AMZ1: variants seen among roughly 807,000 people sequenced by gnomAD.
AMZ1 encodes archaemetzincin-1.
A neutral mutation model predicts 29.9 loss-of-function variants in AMZ1; 39 were observed. The ratio of observed to expected loss-of-function variants is 1.30; its 90% CI spans 1.01 to 1.70. The LOEUF (loss-of-function observed/expected upper bound fraction) is 1.70, where lower values mean the gene tolerates loss of function less well. Among genes scored for constraint, AMZ1 ranks in the 40% most tolerant of loss-of-function variants. AMZ1 has a pLI of 0.00. For synonymous variants in AMZ1, 458 were observed against 304.0 expected, an observed-to-expected ratio of 1.51 and a Z score of -5.27; for missense variants, 1,041 against 680.6, an observed-to-expected ratio of 1.53 and a Z score of -5.89.
chr7:2,752,636 T>C (rs1157529974), intron 4 of AMZ1, among the ~76,000 whole-genome samples: 3 of 152,200 alleles, frequency 2.0e-5, no homozygotes, highest in African/African-American at 4.8e-5. Flanking sequence ...AAAAATCAAG[T>C]ATATGTTTTA....
chr7:2,709,457 A>T (rs886919868), intron 5 of AMZ1, among the ~76,000 whole-genome samples, 183 bp from the exon 6 acceptor site: 2 of 116,724 alleles, frequency 1.7e-5, no homozygotes, highest in African/African-American at 2.9e-5. Context: ...ACCCTGACTC[A>T]CCTTTCCCCT....
chr7:2,679,919 G>C (rs1235895507), intron 1 of AMZ1, among the ~76,000 whole-genome samples: 6 of 152,254 alleles, frequency 3.9e-5, no homozygotes, highest in Non-Finnish European at 7.3e-5. Flanking sequence ...GGCCCAGCTG[G>C]GGGTGAAGGG....
chr7:2,734,533 G>C (rs1302289665), intron 4 of AMZ1, among the ~76,000 whole-genome samples: 1 of 152,208 alleles, frequency 6.6e-6, no homozygotes, highest in African/African-American at 2.4e-5. Context: ...CATCAGAATG[G>C]ACTACGTGAT....
At position 2,709,879 on chromosome 7, in the gene AMZ1, G is replaced by A. The variant is rs1386742481; in HGVS notation, c.948+63G>A. ...TGCGCTCCGGAGGCCCGCGAGCGCC[G>A]CCTGGAGGCTACGCAGGGCATGGGG... On this transcript the variant is annotated intron_variant, in intron 6 of 6. Transcript: ENST00000683327. 60 of 1,582,950 alleles carry A rather than the reference G, an allele frequency of 3.8e-5. No homozygotes were observed. The East Asian group carries it at 8.1e-4, about 21-fold the overall frequency.
intron 4 of AMZ1, among the ~76,000 whole-genome samples, chr7:2,742,215 T>A (rs950660765): frequency 2.6e-5 from 4 of 151,686 alleles, no homozygotes; most frequent in Non-Finnish European, 4.4e-5. Flanking sequence ...ACAGACAGGG[T>A]TTTGCCCCAT....
At chr7:2,697,181 C>T (rs536924452) in intron 1 of AMZ1, among the ~76,000 whole-genome samples, 10 of 152,318 alleles carry the variant, frequency 6.6e-5, no homozygotes, top group African/African-American at 1.9e-4. Flanking sequence ...CGGCTCACTG[C>T]AACCTCTGCC....
chr7:2,708,474 TGGGAA>T (rs1285356795), intron 3 of AMZ1, 109 bp from the exon 4 acceptor site: 2 of 1,498,266 alleles, frequency 1.3e-6, no homozygotes, highest in African/African-American at 1.4e-5. Context: ...ACACCTGACT[TGGGAA>T]GGGGCAGGGC....
chr7:2,724,846 A>G (rs1470792296), intron 4 of AMZ1, among the ~76,000 whole-genome samples: 1 of 152,176 alleles, frequency 6.6e-6, no homozygotes. Context: ...TCACAATGAC[A>G]ATGTCCGGGA....
At chr7:2,691,784 C>A (rs917157551) in intron 1 of AMZ1, among the ~76,000 whole-genome samples, 1 of 150,016 alleles carries the variant, frequency 6.7e-6, no homozygotes, top group African/African-American at 2.5e-5. Flanking sequence ...TGGCAGGCAC[C>A]GGAAGGGGAA....
chr7:2,735,667 T>C (rs1199893176), intron 4 of AMZ1, among the ~76,000 whole-genome samples: 2 of 152,182 alleles, frequency 1.3e-5, no homozygotes, highest in African/African-American at 4.8e-5. Context: ...TGAATGAGGA[T>C]GGCTCATTTA....
intron 4 of AMZ1, among the ~76,000 whole-genome samples, chr7:2,754,093 G>A (rs917828394): frequency 6.6e-6 from 1 of 151,784 alleles, no homozygotes; most frequent in African/African-American, 2.4e-5. Flanking sequence ...CACCAGTGAT[G>A]AATGAGACCC....
rs1790285496 is a variant in AMZ1, at chr7:2,737,822, A to T, written n.551-26890A>T. ...TTCAATTTCATTACTTAATAAATAA[A>T]TATTAAAGTTAGCATTTGATTTCCA... On this transcript the variant is annotated intron_variant and non_coding_transcript_variant, in intron 4 of 4. Transcript: ENST00000489665. 2.6e-5 allele frequency among the ~76,000 whole-genome samples: 4 copies of T among 152,344 alleles called. No individual in the cohort carries two copies. In the South Asian group the frequency reaches 8.3e-4, roughly 32 times the overall value.
chr7:2,751,210 C>G (rs1199634451), intron 4 of AMZ1, among the ~76,000 whole-genome samples: 2 of 151,664 alleles, frequency 1.3e-5, no homozygotes, highest in Non-Finnish European at 2.9e-5. Context: ...ATGGTAAAAC[C>G]CCATCTTCTC....
At chr7:2,684,155 G>A (rs1325538337), upstream of AMZ1, among the ~76,000 whole-genome samples, 1 of 151,838 alleles carries the variant, frequency 6.6e-6, no homozygotes. Flanking sequence ...TCCAGCCCGG[G>A]TGACAGAGCG....
At chr7:2,737,260 C>T (rs1790230379) in intron 4 of AMZ1, among the ~76,000 whole-genome samples, 1 of 136,890 alleles carries the variant, frequency 7.3e-6, no homozygotes, top group Non-Finnish European at 1.5e-5. Context: ...GGAGCTATCT[C>T]ACAGTTTTGT....
intron 1 of AMZ1, among the ~76,000 whole-genome samples, chr7:2,699,518 G>A (rs1002609149): frequency 3.3e-5 from 5 of 149,400 alleles, no homozygotes; most frequent in African/African-American, 1.2e-4. Flanking sequence ...TGCTGTTGGG[G>A]CTGCGTACCC....
At position 2,731,268 on chromosome 7, in the gene AMZ1, G is replaced by A. The variant is rs747027531; in HGVS notation, n.550+21452G>A. Reference sequence around the variant, plus strand: ...CGAAGCGGACGTTCTCGGTGTCGATGGCGGTGGTGAAGTGGTGGAAGAGTG... The same window carrying A: ...CGAAGCGGACGTTCTCGGTGTCGATAGCGGTGGTGAAGTGGTGGAAGAGTG... On this transcript the variant is annotated intron_variant and non_coding_transcript_variant, in intron 4 of 4. Coordinates refer to the AMZ1 transcript ENST00000489665. The surrounding 1 kb of genome is among the most constrained non-coding windows in gnomAD (Gnocchi z 6.0). 3 of 1,606,888 alleles carry A rather than the reference G, an allele frequency of 1.9e-6. No homozygotes were observed. The highest frequency in any genetic ancestry group is 1.1e-5 in the South Asian group (1 of 90,388).
At chr7:2,691,730 CAA>C (rs55752807) in intron 1 of AMZ1, among the ~76,000 whole-genome samples, 9 of 84,630 alleles carry the variant, frequency 1.1e-4, no homozygotes, top group Admixed American at 4.0e-4. Context: ...GGCTCCGTCT[CAA>C]AAAAAAAAAA....
In AMZ1 at chr7:2,709,681, C is replaced by G. The variant is rs759555880; in HGVS notation, c.813C>G (p.Asn271Lys). The G allele has an allele frequency of 1.2e-6, 2 of 1,610,632 alleles. No homozygotes were observed. The highest frequency in any genetic ancestry group is 1.7e-6 in the Non-Finnish European group (2 of 1,179,700). Residue 271 changes from asparagine to lysine, a missense_variant, in exon 6 of 7, where the codon AAC becomes AAG. Asn to Lys is a moderately conservative substitution (Grantham distance 94, BLOSUM62 0). Coordinates refer to ENST00000683327, the MANE Select transcript of AMZ1 (RefSeq NM_001384743.1). ...HELCHLLGLG[N>K]CRWLRCLMQG... Reference sequence around the variant, plus strand: ...TCTGCCACCTTCTGGGCCTGGGGAACTGCCGCTGGCTCCGCTGCCTCATGC... The same window carrying G: ...TCTGCCACCTTCTGGGCCTGGGGAAGTGCCGCTGGCTCCGCTGCCTCATGC...
Sources: allele counts gnomAD v4.1 joint callset (sites outside exome capture counted in the v4.1 genomes callset), GRCh38; gene constraint gnomAD v4.1.1; non-coding constraint Gnocchi (gnomAD v3.1); transcripts MANE v1.5; gene names NCBI Gene and HGNC (gene_info 2026-07-23, HGNC 2026-07-21).